The following DGKH variants were observed in gnomAD, a reference collection of about 807,000 sequenced individuals.
DGKH encodes the protein diacylglycerol kinase eta, also known as DAG kinase eta.
Under a neutral mutation model 159.3 loss-of-function variants are expected in DGKH, and 90 were observed. The ratio of observed to expected loss-of-function variants is 0.57; its 90% CI spans 0.48 to 0.67. The LOEUF (loss-of-function observed/expected upper bound fraction) is 0.67, where lower values mean the gene tolerates loss of function less well. Ranked by LOEUF, DGKH falls within the 30% of genes least tolerant of loss-of-function variation. The pLI is 0.00. For missense variants in DGKH, 1,181 were observed against 1,506.1 expected (o/e 0.78, Z 3.57); for synonymous variants, 536 against 553.8 (o/e 0.97, Z 0.45).
intron 12 of DGKH, among the ~76,000 whole-genome samples, chr13:42,176,222 A>G (rs1180244630): frequency 6.6e-6 from 1 of 152,242 alleles, no homozygotes; most frequent in African/African-American, 2.4e-5. Flanking sequence ...TTATTAATTA[A>G]TACATTAGTC....
intron 3 of DGKH, chr13:42,138,123 T>A: frequency 1.0e-6 from 1 of 985,320 alleles, no homozygotes; most frequent in Non-Finnish European, 1.2e-6. Flanking sequence ...CAGACTCAGC[T>A]TTAGGTGCTG....
chr13:42,168,672 CT>C lies in DGKH; in HGVS notation c.1228-4del. The C allele has an allele frequency of 6.2e-7, 1 of 1,614,202 alleles. No homozygotes were observed. The highest frequency in any genetic ancestry group is 8.5e-7 in the Non-Finnish European group (1 of 1,180,018). ...TCTGAAAGTCACCCTGTTGCACTGT[CT>C]TTCAGTGTCAGCTGGGAGTGTTGCC... On this transcript the variant is annotated splice_polypyrimidine_tract_variant and splice_region_variant and intron_variant, in intron 10 of 29. Transcript: ENST00000337343.
chr13:42,153,564 T>G (rs1955970407), intron 3 of DGKH, among the ~76,000 whole-genome samples: 1 of 152,042 alleles, frequency 6.6e-6, no homozygotes, highest in Non-Finnish European at 1.5e-5. Flanking sequence ...CATCAGTGAG[T>G]CCAGTGAAAC....
chr13:42,046,693 CGCT>C (rs1364077266), upstream of DGKH, among the ~76,000 whole-genome samples: 1 of 152,132 alleles, frequency 6.6e-6, no homozygotes, highest in African/African-American at 2.4e-5. Flanking sequence ...TTTAATCACT[CGCT>C]GCCTGGATTC....
At chr13:42,140,238 A>G (rs1048709290) in intron 3 of DGKH, among the ~76,000 whole-genome samples, 4 of 152,220 alleles carry the variant, frequency 2.6e-5, no homozygotes, top group African/African-American at 9.6e-5. Context: ...CTGCTGTCAC[A>G]TGAAAAGCTT....
chr13:42,054,128 A>C (rs891147261), intron 1 of DGKH, among the ~76,000 whole-genome samples: 1 of 152,226 alleles, frequency 6.6e-6, no homozygotes, highest in Non-Finnish European at 1.5e-5. Context: ...ACCCTAGGTG[A>C]AGTATGCTGG....
chr13:42,046,648 C>G (rs571803154), upstream of DGKH, among the ~76,000 whole-genome samples: 1 of 152,300 alleles, frequency 6.6e-6, no homozygotes, highest in East Asian at 1.9e-4. Flanking sequence ...GTTAAAATCA[C>G]AAAATCAGGC....
intron 1 of DGKH, among the ~76,000 whole-genome samples, chr13:42,124,233 G>T (rs973446213): frequency 2.0e-5 from 3 of 152,020 alleles, no homozygotes; most frequent in African/African-American, 7.2e-5. Flanking sequence ...TAATAAATCT[G>T]AATATTTTTG....
In DGKH at chr13:42,225,237, A is replaced by C. The variant is rs1421250299; in HGVS notation, c.3573+3843A>C. 1.9e-6 allele frequency: 3 copies of C among 1,553,080 alleles called. No individual in the cohort carries two copies. In the East Asian group the frequency reaches 7.0e-5, roughly 36 times the overall value. On this transcript the variant is annotated intron_variant, in intron 29 of 29. Coordinates refer to ENST00000337343, the MANE Select transcript of DGKH (RefSeq NM_178009.5). The stretch of plus-strand genomic sequence containing the variant: ...CATGCCCAGCCAGGAAAGTATTTCC[A>C]ATGTGCTTTAGCAGATAAGGAAACA...
intron 11 of DGKH, among the ~76,000 whole-genome samples, chr13:42,171,138 A>G (rs1462560005): frequency 3.9e-5 from 6 of 152,142 alleles, no homozygotes; most frequent in Non-Finnish European, 7.4e-5. Flanking sequence ...GTCTGCTAGC[A>G]CTTTCTAGTT....
chr13:42,125,298 C>T (rs754772311), intron 1 of DGKH, among the ~76,000 whole-genome samples: 1 of 152,160 alleles, frequency 6.6e-6, no homozygotes, highest in Non-Finnish European at 1.5e-5. Flanking sequence ...GGCAAACACT[C>T]CCTGGACTTA....
chr13:42,117,885 A>G (rs1010268462), intron 1 of DGKH, among the ~76,000 whole-genome samples: 10 of 152,132 alleles, frequency 6.6e-5, no homozygotes, highest in African/African-American at 2.4e-4. Flanking sequence ...ATACACGTGA[A>G]AAGAAACAGC....
chr13:42,174,039 A>G (rs1566158259), intron 11 of DGKH, 21 bp from the exon 12 acceptor site: 1 of 1,599,206 alleles, frequency 6.3e-7, no homozygotes, highest in Non-Finnish European at 8.5e-7. Context: ...ATCTTTGACC[A>G]AAGAGTTTTT....
In DGKH at chr13:42,207,029, C is replaced by CTTTCTTTCTT. The variant is rs1566191812; in HGVS notation, c.2601+885_2601+894dup. 2.0e-4 allele frequency among the ~76,000 whole-genome samples: 18 copies of CTTTCTTTCTT among 92,074 alleles called. 1 individual carries two copies. The highest frequency in any genetic ancestry group is 6.3e-4 in the African/African-American group (14 of 22,360). The allele number at this position is 92,074 out of a possible 152,430, so 60.4% of individuals were successfully genotyped here. The stretch of plus-strand genomic sequence containing the variant: ...TTTCTTTCTTTCTTTCTTTCTTTTT[C>CTTTCTTTCTT]TTTCTTTCTTTCCTTCTTTCCTTCT... On this transcript the variant is annotated intron_variant, in intron 21 of 29. Transcript: ENST00000337343.
chr13:42,136,517 G>C (rs182113108), intron 3 of DGKH, among the ~76,000 whole-genome samples: 1 of 152,292 alleles, frequency 6.6e-6, no homozygotes, highest in East Asian at 1.9e-4. Flanking sequence ...TTTTAATGAA[G>C]ATTAGGCTAA....
chr13:42,222,767 A>G (rs1827619493), intron 29 of DGKH, among the ~76,000 whole-genome samples: 1 of 152,178 alleles, frequency 6.6e-6, no homozygotes, highest in African/African-American at 2.4e-5. Flanking sequence ...ACATTCAGGG[A>G]AAAGACTGTG....
chr13:42,218,670 A>G (rs1310811057), intron 26 of DGKH, among the ~76,000 whole-genome samples: 8 of 151,978 alleles, frequency 5.3e-5, no homozygotes, highest in Non-Finnish European at 1.0e-4. Context: ...CACCATGCCT[A>G]ACTAATTTTT....
Position 42,241,625 on chromosome 13 carries a change from C to T in DGKH, c.*12437C>T, listed in dbSNP as rs1043364128. 9 of 152,146 alleles carry T rather than the reference C, an allele frequency of 5.9e-5. No homozygotes were observed. The highest frequency in any genetic ancestry group is 5.2e-4 in the Admixed American group (8 of 15,276). 9.4% of individuals were successfully genotyped at this position (152,146 alleles called of 1,614,324 possible). On this transcript the variant is annotated 3_prime_UTR_variant, in exon 30 of 30. Transcript: ENST00000337343. ...ACACACACACCAAAATATATAAGAG[C>T]TGTGCATGGTAAACCCACAGTAGAA...
intron 1 of DGKH, among the ~76,000 whole-genome samples, chr13:42,055,031 A>G (rs768547861): frequency 2.6e-5 from 4 of 152,206 alleles, no homozygotes; most frequent in Non-Finnish European, 5.9e-5. Context: ...GCTAAGAAAT[A>G]TTATTATTCC....
Sources: gnomAD v4.1 joint callset for allele counts (sites outside exome capture counted in the v4.1 genomes callset) on GRCh38, gnomAD v4.1.1 for gene constraint, MANE v1.5 for transcripts, NCBI Gene and HGNC (gene_info 2026-07-23, HGNC 2026-07-21) for gene names.